MBOAT1: variants seen among roughly 807,000 people sequenced by gnomAD.
MBOAT1 encodes membrane bound glycerophospholipid O-acyltransferase 1, also known as membrane-bound glycerophospholipid O-acyltransferase 1.
A neutral mutation model predicts 64.4 loss-of-function variants in MBOAT1; 67 were observed. That is an observed-to-expected ratio of 1.04 (90% CI 0.85 to 1.27). The LOEUF is 1.27. Ranked by LOEUF, MBOAT1 falls within the 50% of genes most tolerant of loss-of-function variation. The pLI, the probability that MBOAT1 is intolerant of heterozygous loss-of-function variation, is 0.00. For synonymous variants in MBOAT1, 229 were observed against 218.9 expected (o/e 1.05, Z -0.41); for missense variants, 563 against 604.6 (o/e 0.93, Z 0.72).
At chr6:20,164,174 T>TAC (rs35199956) in intron 1 of MBOAT1, among the ~76,000 whole-genome samples, 53,685 of 147,312 alleles carry the variant, frequency 0.36, 9,610 homozygotes, top group Non-Finnish European at 0.42. Flanking sequence ...TATGTGCATG[T>TAC]ACACACACAC....
chr6:20,142,359 T>C (rs1018752088), intron 4 of MBOAT1, among the ~76,000 whole-genome samples: 5 of 152,228 alleles, frequency 3.3e-5, no homozygotes, highest in African/African-American at 1.2e-4. Context: ...AATCCCCATT[T>C]AGAGATTCCT....
At chr6:20,120,181 G>A (rs1041476281) in intron 8 of MBOAT1, among the ~76,000 whole-genome samples, 4 of 152,034 alleles carry the variant, frequency 2.6e-5, no homozygotes, top group Admixed American at 6.6e-5. Flanking sequence ...CTACATACAC[G>A]GGCCTAGGAG....
At chr6:20,186,455 A>G (rs1762656762) in intron 1 of MBOAT1, among the ~76,000 whole-genome samples, 1 of 152,184 alleles carries the variant, frequency 6.6e-6, no homozygotes, top group South Asian at 2.1e-4. Flanking sequence ...GGGTGAGGGA[A>G]TCAAAACCAG....
chr6:20,160,165 G>A (rs1429040640), intron 1 of MBOAT1, among the ~76,000 whole-genome samples: 2 of 152,178 alleles, frequency 1.3e-5, no homozygotes, highest in African/African-American at 4.8e-5. Context: ...ATCAAACTGT[G>A]CTACAATTTT....
chr6:20,118,539 A>C lies in MBOAT1; in HGVS notation c.909T>G (p.Ala303=). 6.2e-7 allele frequency: 1 copy of C among 1,612,732 alleles called. No homozygotes were observed. The highest frequency in any genetic ancestry group is 8.5e-7 in the Non-Finnish European group (1 of 1,179,318). ...AGCCAGCTGCGTTATTCACTGCATC[A>C]GCTATGGTTTTTAAAGTAACACATT... ...KPKYYFAWTL[A]DAVNNAAGFG... The change falls in exon 9 of 13, where the codon GCT becomes GCG. Residue 303 remains alanine (A), a splice_region_variant and synonymous_variant. Coordinates refer to ENST00000324607, the MANE Select transcript of MBOAT1 (RefSeq NM_001080480.3).
intron 3 of MBOAT1, among the ~76,000 whole-genome samples, chr6:20,148,499 A>G (rs570080611): frequency 6.6e-6 from 1 of 152,338 alleles, no homozygotes; most frequent in South Asian, 2.1e-4. Flanking sequence ...AACTCTTATC[A>G]CTGATTCAGT....
At chr6:20,106,124 G>C (rs1759948860) in intron 12 of MBOAT1, among the ~76,000 whole-genome samples, 1 of 152,154 alleles carries the variant, frequency 6.6e-6, no homozygotes. Flanking sequence ...TAGCCCAAGG[G>C]GAGGAACAGA....
At chr6:20,152,342 A>AAAAT (rs1186886580) in intron 2 of MBOAT1, among the ~76,000 whole-genome samples, 19 of 38,906 alleles carry the variant, frequency 4.9e-4, no homozygotes, top group African/African-American at 6.6e-4. Flanking sequence ...AAAAAAATAA[A>AAAAT]AAATAAATAA....
intron 1 of MBOAT1, among the ~76,000 whole-genome samples, chr6:20,175,630 CTT>C (rs113100366): frequency 8.6e-5 from 12 of 140,334 alleles, no homozygotes; most frequent in East Asian, 2.1e-4. Context: ...TTCTTTCTTT[CTT>C]TTTTTTTTTT....
intron 6 of MBOAT1, 66 bp downstream of exon 6, chr6:20,128,633 A>G: frequency 8.4e-7 from 1 of 1,189,884 alleles, no homozygotes; most frequent in South Asian, 1.4e-5. Context: ...GATATTTTTA[A>G]ATGAGGAAAA....
At chr6:20,185,062 T>A (rs1448524820) in intron 1 of MBOAT1, among the ~76,000 whole-genome samples, 1 of 151,854 alleles carries the variant, frequency 6.6e-6, no homozygotes, top group Non-Finnish European at 1.5e-5. Flanking sequence ...TCAGCCTGGG[T>A]AGCATAGTGA....
In MBOAT1 at chr6:20,170,892, CTGAATGAATGAA is replaced by C. The variant is rs36129397; in HGVS notation, c.100-18135_100-18124del. On this transcript the variant is annotated intron_variant, in intron 1 of 12. Coordinates refer to ENST00000324607, the MANE Select transcript of MBOAT1 (RefSeq NM_001080480.3). Reference sequence around the variant, plus strand: ...TGGCATATATTAGGGTCTCAATATTCTGAATGAATGAATGAATGAATGAATGAATGAATGAAT... The same window carrying C: ...TGGCATATATTAGGGTCTCAATATTCTGAATGAATGAATGAATGAATGAAT... Among the ~76,000 whole-genome samples the C allele has an allele frequency of 9.4e-4, 142 of 150,594 alleles. 1 individual carries two copies. The highest frequency in any genetic ancestry group is 6.8e-3 in the Middle Eastern group (2 of 292).
chr6:20,131,966 T>G (rs1237091589), intron 4 of MBOAT1, among the ~76,000 whole-genome samples: 1 of 152,138 alleles, frequency 6.6e-6, no homozygotes, highest in Non-Finnish European at 1.5e-5. Flanking sequence ...CACTGTGGCC[T>G]CGACCTCCTG....
At chr6:20,110,563 G>A (rs1158765952) in intron 11 of MBOAT1, among the ~76,000 whole-genome samples, 1 of 151,522 alleles carries the variant, frequency 6.6e-6, no homozygotes, top group Non-Finnish European at 1.5e-5. Flanking sequence ...TGTGTTCACT[G>A]TAGAAAAATG....
At chr6:20,153,368 C>T (rs1352154203) in intron 1 of MBOAT1, among the ~76,000 whole-genome samples, 3 of 152,208 alleles carry the variant, frequency 2.0e-5, no homozygotes, top group Admixed American at 6.5e-5. Flanking sequence ...CCTAAGCTAA[C>T]TGAGCTCTGT....
At chr6:20,175,142 C>G (rs1762304135) in intron 1 of MBOAT1, among the ~76,000 whole-genome samples, 1 of 151,506 alleles carries the variant, frequency 6.6e-6, no homozygotes, top group Non-Finnish European at 1.5e-5. Context: ...TAAGATCCCA[C>G]AAAAGAAAAA....
At position 20,124,312 on chromosome 6, in the gene MBOAT1, T is replaced by C. The variant is rs1227747730; in HGVS notation, c.907+96A>G. 10 of 1,279,238 alleles carry C rather than the reference T, an allele frequency of 7.8e-6. No individual in the cohort carries two copies. In the African/African-American group the frequency reaches 1.3e-4, roughly 17 times the overall value. 79.2% of individuals were successfully genotyped at this position (1,279,238 alleles called of 1,614,324 possible). A position where few individuals can be genotyped will look rare whatever the true frequency, so the allele number is the denominator to read the frequency against. ...AACTGCCTCCCATTACGTGTTGAGCTTCTTTGATGAAGTGATCCAAAACGT... is the reference window on the plus strand; with the variant it reads ...AACTGCCTCCCATTACGTGTTGAGCCTCTTTGATGAAGTGATCCAAAACGT... On this transcript the variant is annotated intron_variant, in intron 8 of 12. Coordinates refer to ENST00000324607, the MANE Select transcript of MBOAT1 (RefSeq NM_001080480.3).
chr6:20,136,851 T>C (rs952111943), intron 4 of MBOAT1, among the ~76,000 whole-genome samples: 1 of 152,258 alleles, frequency 6.6e-6, no homozygotes, highest in African/African-American at 2.4e-5. Flanking sequence ...TGCTTTCGCA[T>C]TTTCAATATT....
chr6:20,162,914 T>A (rs1761904266), intron 1 of MBOAT1, among the ~76,000 whole-genome samples: 1 of 152,180 alleles, frequency 6.6e-6, no homozygotes, highest in Admixed American at 6.5e-5. Context: ...CATCCTCCAG[T>A]CCCTCTAGAA....
Sources: gnomAD v4.1 joint callset for allele counts (sites outside exome capture counted in the v4.1 genomes callset) on GRCh38, gnomAD v4.1.1 for gene constraint, MANE v1.5 for transcripts, NCBI Gene and HGNC (gene_info 2026-07-23, HGNC 2026-07-21) for gene names.